OSBPL9: variants seen among roughly 807,000 people sequenced by gnomAD.
The protein encoded by OSBPL9 is oxysterol binding protein like 9, also known as oxysterol-binding protein-related protein 9.
In OSBPL9, 40 loss-of-function variants were observed where a neutral mutation model predicts 106.6. The observed-to-expected ratio is 0.38, with a 90% CI of 0.29 to 0.49. OSBPL9 has a LOEUF of 0.49. Ranked by LOEUF, OSBPL9 falls within the 20% of genes least tolerant of loss-of-function variation. The pLI is 0.97. For synonymous variants in OSBPL9, 269 were observed against 295.4 expected (o/e 0.91, Z 0.92); for missense variants, 609 against 887.2 (o/e 0.69, Z 3.98).
chr1:51,625,519 T>A (rs1644714509), intron 1 of OSBPL9, among the ~76,000 whole-genome samples: 1 of 150,928 alleles, frequency 6.6e-6, no homozygotes, highest in Admixed American at 6.6e-5. Context: ...AAGGATTATC[T>A]TCTTCTTCTT....
chr1:51,602,521 C>T (rs1645329874), intron 2 of OSBPL9, among the ~76,000 whole-genome samples: 1 of 148,822 alleles, frequency 6.7e-6, no homozygotes, highest in Non-Finnish European at 1.5e-5. Flanking sequence ...CTCCTGGGCT[C>T]AAGGGATCCT....
chr1:51,537,314 T>A, the OSBPL9 span, among the ~76,000 whole-genome samples: 7 of 152,202 alleles, frequency 4.6e-5, no homozygotes, highest in African/African-American at 1.4e-4. Context: ...TCATCACTTT[T>A]TTTTAACACC....
intron 16 of OSBPL9, among the ~76,000 whole-genome samples, chr1:51,782,223 C>G (rs1024359456): frequency 6.6e-6 from 1 of 152,192 alleles, no homozygotes; most frequent in South Asian, 2.1e-4. Flanking sequence ...AAACATGATT[C>G]TCCATATATT....
At chr1:51,749,909 A>G (rs1262501072) in intron 7 of OSBPL9, among the ~76,000 whole-genome samples, 1 of 151,604 alleles carries the variant, frequency 6.6e-6, no homozygotes, top group African/African-American at 2.4e-5. Flanking sequence ...AAAATTAGAT[A>G]TTATTTAGTA....
At chr1:51,607,158 CTTTTTCTTTTT>C (rs1241359728) in intron 2 of OSBPL9, among the ~76,000 whole-genome samples, 12 of 147,450 alleles carry the variant, frequency 8.1e-5, no homozygotes, top group East Asian at 2.0e-4. Flanking sequence ...CTTTTCTTTT[CTTTTTCTTTTT>C]TTTTTTTTTT....
intron 1 of OSBPL9, among the ~76,000 whole-genome samples, chr1:51,641,389 T>C (rs1406525470): frequency 6.6e-6 from 1 of 152,196 alleles, no homozygotes; most frequent in Non-Finnish European, 1.5e-5. Flanking sequence ...GATTTCAACA[T>C]ATGAACTTTG....
intron 1 of OSBPL9, among the ~76,000 whole-genome samples, chr1:51,627,039 C>T (rs1644806875): frequency 6.6e-6 from 1 of 152,136 alleles, no homozygotes; most frequent in Non-Finnish European, 1.5e-5. Flanking sequence ...AGGTCTTTCT[C>T]TGTTGTCCAT....
At chr1:51,519,019 C>G in the OSBPL9 span, among the ~76,000 whole-genome samples, 8 of 151,290 alleles carry the variant, frequency 5.3e-5, no homozygotes, top group African/African-American at 1.5e-4. Flanking sequence ...CAGGGGGGCT[C>G]CGGCTCCGGA....
chr1:51,732,380 T>C (rs978992026), intron 4 of OSBPL9, among the ~76,000 whole-genome samples: 3 of 152,184 alleles, frequency 2.0e-5, no homozygotes, highest in Admixed American at 1.3e-4. Flanking sequence ...GAAAAAAGAC[T>C]TTGTGATTAC....
chr1:51,579,382 G>C (rs1189713344), intron 1 of OSBPL9, among the ~76,000 whole-genome samples: 1 of 152,138 alleles, frequency 6.6e-6, no homozygotes, highest in African/African-American at 2.4e-5. Flanking sequence ...AGATTTGAAG[G>C]TAAAAGTTGT....
rs1289516750 is a variant in OSBPL9 at position 51,714,833 on chromosome 1, T to C, written c.318+754T>C. On this transcript the variant is annotated intron_variant, in intron 4 of 23. Transcript: ENST00000428468. Reference sequence around the variant, plus strand: ...GTCACAATTTCACAGTCATAGATTCTACCCTGGAGCTGGGATGTTACTGGC... The same window carrying C: ...GTCACAATTTCACAGTCATAGATTCCACCCTGGAGCTGGGATGTTACTGGC... 2.0e-5 allele frequency among the ~76,000 whole-genome samples: 3 copies of C among 152,324 alleles called. No individual in the cohort carries two copies. In the East Asian group the frequency reaches 5.8e-4, roughly 29 times the overall value.
At chr1:51,691,371 C>T (rs1425083263) in intron 3 of OSBPL9, among the ~76,000 whole-genome samples, 2 of 149,528 alleles carry the variant, frequency 1.3e-5, no homozygotes, top group African/African-American at 2.5e-5. Context: ...CCTCTGACTC[C>T]TGGGTTCAAG....
chr1:51,568,081 T>C, the OSBPL9 span, among the ~76,000 whole-genome samples: 456 of 152,334 alleles, frequency 3.0e-3, no homozygotes, highest in Non-Finnish European at 4.8e-3. Context: ...CTAGCAACAA[T>C]GGGGTTCTAC....
chr1:51,788,743 A>AT lies in OSBPL9; in HGVS notation c.*955dup, dbSNP rs1365573240. Among the ~76,000 whole-genome samples the AT allele has an allele frequency of 6.6e-6, 1 of 151,910 alleles. No homozygotes were observed. The highest frequency in any genetic ancestry group is 2.4e-5 in the African/African-American group (1 of 41,264). The stretch of plus-strand genomic sequence containing the variant: ...GTTTGGGAAGAGTGTGTATTTATAG[A>AT]TCCCCACCCCACAGTGAACAAAAAT... On this transcript the variant is annotated 3_prime_UTR_variant, in exon 24 of 24. Coordinates refer to ENST00000428468, the MANE Select transcript of OSBPL9 (RefSeq NM_024586.6).
chr1:51,601,397 G>A (rs1645324836), intron 2 of OSBPL9, among the ~76,000 whole-genome samples: 1 of 152,200 alleles, frequency 6.6e-6, no homozygotes, highest in South Asian at 2.1e-4. Context: ...AGGGCTAGCT[G>A]GACATTTAAA....
At chr1:51,719,253 GT>G (rs1298476219) in intron 4 of OSBPL9, among the ~76,000 whole-genome samples, 1 of 152,158 alleles carries the variant, frequency 6.6e-6, no homozygotes, top group Non-Finnish European at 1.5e-5. Flanking sequence ...CTGAATTCCA[GT>G]AGTCATTCTA....
At chr1:51,539,569 A>G in the OSBPL9 span, among the ~76,000 whole-genome samples, 4 of 152,282 alleles carry the variant, frequency 2.6e-5, no homozygotes, top group South Asian at 8.3e-4. Flanking sequence ...ACGAACTTAC[A>G]TTTATTAGTG....
chr1:51,652,089 T>C (rs1200900360), intron 2 of OSBPL9, 48 bp downstream of exon 2: 1 of 1,399,922 alleles, frequency 7.1e-7, no homozygotes, highest in Non-Finnish European at 9.9e-7. Context: ...CAGAAGAAAA[T>C]TGTATTCTGA....
At chr1:51,676,503 C>T (rs944936989) in intron 3 of OSBPL9, among the ~76,000 whole-genome samples, 1 of 151,398 alleles carries the variant, frequency 6.6e-6, no homozygotes, top group Non-Finnish European at 1.5e-5. Context: ...AAAAATTTGA[C>T]GCTAATTAGC....
Sources: gnomAD v4.1 joint callset for allele counts (sites outside exome capture counted in the v4.1 genomes callset) on GRCh38, gnomAD v4.1.1 for gene constraint, MANE v1.5 for transcripts, NCBI Gene and HGNC (gene_info 2026-07-23, HGNC 2026-07-21) for gene names.